Variants in LRP2 observed in about 807,000 individuals in gnomAD.
The protein encoded by LRP2 is low-density lipoprotein receptor-related protein 2.
In LRP2, 172 loss-of-function variants were observed where a neutral mutation model predicts 531.0. That is an observed-to-expected ratio of 0.32 (90% CI 0.29 to 0.37). LRP2 has a LOEUF of 0.37. Ranked by LOEUF, LRP2 falls within the 10% of genes least tolerant of loss-of-function variation. The probability of loss-of-function intolerance (pLI) is 1.00; values close to 1 mark genes in which losing one functional copy is unlikely to be tolerated. For synonymous variants in LRP2, 1,992 were observed against 2,027.6 expected (o/e 0.98, Z 0.47); for missense variants, 5,167 against 5,868.3 (o/e 0.88, Z 3.90).
At chr2:169,355,531 C>T (rs989955586) in intron 1 of LRP2, among the ~76,000 whole-genome samples, 11 of 152,162 alleles carry the variant, frequency 7.2e-5, no homozygotes, top group Non-Finnish European at 1.5e-4. Context: ...CATCATGACC[C>T]GGGATTCAGT....
At chr2:169,215,161 A>G (rs1688732869) in intron 35 of LRP2, among the ~76,000 whole-genome samples, 1 of 152,246 alleles carries the variant, frequency 6.6e-6, no homozygotes, top group South Asian at 2.1e-4. Flanking sequence ...TCCAAAGCTT[A>G]CCACCATTAT....
chr2:169,258,898 G>T, intron 17 of LRP2, 127 bp downstream of exon 17: 1 of 831,488 alleles, frequency 1.2e-6, no homozygotes, highest in Non-Finnish European at 1.9e-6. Flanking sequence ...TAAAATTTAA[G>T]GTGATTTCAA....
chr2:169,145,695 A>T, intron 70 of LRP2, 52 bp downstream of exon 70: 1 of 1,560,992 alleles, frequency 6.4e-7, no homozygotes, highest in Non-Finnish European at 8.8e-7. Context: ...CATTATTTTG[A>T]AATAAGATTT....
Position 169,204,244 on chromosome 2 carries a change from C to T in LRP2, c.7743G>A (p.Thr2581=), listed in dbSNP as rs140698184. ...SLQRIERSTL[T]GVDREVIVNA... is the part of the protein sequence containing the mutation. Reference sequence around the variant, plus strand: ...TGACAATGACTTCACGATCCACGCCCGTCAGAGTGCTGCGTTCAATCCTCT... The same window carrying T: ...TGACAATGACTTCACGATCCACGCCTGTCAGAGTGCTGCGTTCAATCCTCT... Residue 2581 remains threonine (T), a synonymous_variant, in exon 42 of 79, where the codon ACG becomes ACA. Transcript: ENST00000649046. 4 of 1,613,514 alleles carry T rather than the reference C, an allele frequency of 2.5e-6. No homozygotes were observed. Among genetic ancestry groups the T allele is most frequent in the South Asian group, 1.1e-5 (1 of 91,076 alleles).
rs138892407 is a variant in LRP2, at chr2:169,306,577, T to C, written c.427+704A>G. ...ACAGAAAGAGAGAGAAACTGTGGTATGCCTGAGATTAAAGACAATTATATG... is the reference window on the plus strand; with the variant it reads ...ACAGAAAGAGAGAGAAACTGTGGTACGCCTGAGATTAAAGACAATTATATG... On this transcript the variant is annotated intron_variant, in intron 4 of 78. Transcript: ENST00000649046. Among the ~76,000 whole-genome samples the C allele has an allele frequency of 5.4e-4, 82 of 152,262 alleles. 1 individual carries two copies. The highest frequency in any genetic ancestry group is 1.9e-3 in the African/African-American group (79 of 41,570).
At position 169,222,981 on chromosome 2, in the gene LRP2, T is replaced by C. The variant is rs539161309; in HGVS notation, c.5538+2329A>G. On this transcript the variant is annotated intron_variant, in intron 33 of 78. Transcript: ENST00000649046. ...ATATTCACCGGCCTTATCACACTTA[T>C]GACACTGGAGCACAGGTATTTGTTT... 2.0e-4 allele frequency among the ~76,000 whole-genome samples: 30 copies of C among 152,320 alleles called. No homozygotes were observed. In the South Asian group the frequency reaches 2.9e-3, roughly 15 times the overall value.
At chr2:169,161,546 A>G (rs558437203) in intron 63 of LRP2, among the ~76,000 whole-genome samples, 6 of 152,240 alleles carry the variant, frequency 3.9e-5, no homozygotes, top group Admixed American at 6.5e-5. Flanking sequence ...GCACAATCAC[A>G]GCTCACTGCA....
intron 57 of LRP2, among the ~76,000 whole-genome samples, chr2:169,172,469 G>C (rs1241116150): frequency 1.3e-5 from 2 of 152,162 alleles, no homozygotes; most frequent in Admixed American, 6.5e-5. Flanking sequence ...CAGTCAATTG[G>C]ACTCAGTGTT....
chr2:169,167,155 A>G (rs571203530), intron 61 of LRP2, among the ~76,000 whole-genome samples: 5 of 152,356 alleles, frequency 3.3e-5, no homozygotes, highest in African/African-American at 1.2e-4. Flanking sequence ...GAGATTTCCT[A>G]AGGACTTCTT....
chr2:169,131,636 T>C (rs1027731006), intron 77 of LRP2, among the ~76,000 whole-genome samples: 1 of 151,628 alleles, frequency 6.6e-6, no homozygotes, highest in Non-Finnish European at 1.5e-5. Context: ...GGAGGGGAGG[T>C]GATTTCTGGG....
At chr2:169,201,143 C>G (rs1688189680) in intron 44 of LRP2, among the ~76,000 whole-genome samples, 1 of 152,202 alleles carries the variant, frequency 6.6e-6, no homozygotes, top group Admixed American at 6.5e-5. Flanking sequence ...GACAAATCAC[C>G]TAATCTTTCT....
Position 169,188,231 on chromosome 2 carries a change from C to T in LRP2, c.9067G>A (p.Asp3023Asn), listed in dbSNP as rs1204920352. 1.2e-6 allele frequency: 2 copies of T among 1,614,142 alleles called. No individual in the cohort carries two copies. The highest frequency in any genetic ancestry group is 1.3e-5 in the African/African-American group (1 of 75,034). Residue 3023 changes from aspartate to asparagine, a missense_variant, in exon 49 of 79, where the codon GAC (aspartate) becomes AAC (asparagine). Physicochemically the swap from Asp to Asn is conservative, Grantham distance 23 (BLOSUM62 1). Around this residue, in one of 6 missense-constraint regions of LRP2, gnomAD observed 1,129 missense variants for 1,362.7 expected, o/e 0.83. Coordinates refer to ENST00000649046, the MANE Select transcript of LRP2 (RefSeq NM_004525.3). ...DRHNDCGDYS[D>N]ERGCLYQTCQ... ...GTCTGGTATAAGCAGCCCCTCTCGT[C>T]GCTATAGTCACCACAGTCATTGTGC...
chr2:169,219,046 G>GA (rs1688894736), intron 34 of LRP2, among the ~76,000 whole-genome samples: 1 of 152,182 alleles, frequency 6.6e-6, no homozygotes, highest in South Asian at 2.1e-4. Flanking sequence ...ACACAATGCA[G>GA]AAATGTCTGA....
Position 169,273,128 on chromosome 2 carries a change from G to T in LRP2, c.1976-61C>A, listed in dbSNP as rs1423383017. On this transcript the variant is annotated intron_variant, in intron 14 of 78. Coordinates refer to ENST00000649046, the MANE Select transcript of LRP2 (RefSeq NM_004525.3). ...AGAAATGTGTAATTATCCAAGACATGAAGCCACTTCTAGCCCTTTTCACCT... is the reference window on the plus strand; with the variant it reads ...AGAAATGTGTAATTATCCAAGACATTAAGCCACTTCTAGCCCTTTTCACCT... 4 of 1,587,686 alleles carry T rather than the reference G, an allele frequency of 2.5e-6. No homozygotes were observed. In the Admixed American group the frequency reaches 5.0e-5, roughly 20 times the overall value.
intron 63 of LRP2, 36 bp from the exon 64 acceptor site, chr2:169,157,538 A>C (rs544324182): frequency 1.2e-6 from 2 of 1,609,420 alleles, no homozygotes; most frequent in South Asian, 1.1e-5. Context: ...AAACCAGATC[A>C]GCCACAAATA....
Position 169,256,236 on chromosome 2 carries a change from A to G in LRP2, c.2640T>C (p.Ala880=). The G allele has an allele frequency of 6.2e-7, 1 of 1,611,222 alleles. No individual in the cohort carries two copies. The highest frequency in any genetic ancestry group is 8.5e-7 in the Non-Finnish European group (1 of 1,178,008). The change falls in exon 19 of 79, where the codon GCT becomes GCC. Residue 880 remains alanine (A), a splice_region_variant and synonymous_variant. Transcript: ENST00000649046. ...GWPNGLAIDW[A]ASRLYWVDAY... is the part of the protein sequence containing the mutation. ...CATCTACCCAGTACAATCGTGAAGCACTAAAATAATAAAATATTTAGTTAT... is the reference window on the plus strand; with the variant it reads ...CATCTACCCAGTACAATCGTGAAGCGCTAAAATAATAAAATATTTAGTTAT...
rs878853100 is a variant in LRP2, at chr2:169,362,383, G to T, written c.17C>A (p.Ala6Glu). Residue 6 changes from alanine (A) to glutamate (E), a missense_variant, in exon 1 of 79, where the codon GCA becomes GAA. This residue lies in a region of LRP2 where 2,811 missense variants were observed against 3,058.0 expected (regional missense o/e 0.92). Transcript: ENST00000649046. The part of the protein sequence containing the change: MDRGP[A>E]AVACTLLLAL... ...CAGGAGCAGCGTGCACGCCACTGCT[G>T]CCGGCCCGCGATCCATCTCCGCGAC... The T allele has an allele frequency of 1.3e-6, 2 of 1,565,756 alleles. No homozygotes were observed. The highest frequency in any genetic ancestry group is 1.4e-5 in the African/African-American group (1 of 73,698).
At chr2:169,129,129 T>C in intron 77 of LRP2, 45 bp from the exon 78 acceptor site, 2 of 1,338,322 alleles carry the variant, frequency 1.5e-6, no homozygotes, top group Non-Finnish European at 2.2e-6. Flanking sequence ...AATGGAATTA[T>C]TTTGTGGGTT....
Position 169,244,930 on chromosome 2 carries a change from T to C in LRP2, c.3193A>G (p.Asn1065Asp). ...GTGAACGCCGAAGATGAACAGGTAT[T>C]ATCTACAATAGTAACAAACTGGTCA... ...SDEQLCGTLN[N>D]TCSSSAFTCG... is the part of the protein sequence containing the mutation. Residue 1065 changes from asparagine to aspartate, a missense_variant and splice_region_variant, in exon 22 of 79, where the codon AAT becomes GAT. Asn to Asp is a conservative substitution (Grantham distance 23). This residue lies in a region of LRP2 where 2,811 missense variants were observed against 3,058.0 expected (regional missense o/e 0.92). Transcript: ENST00000649046. 1.2e-6 allele frequency: 2 copies of C among 1,614,212 alleles called. No individual in the cohort carries two copies. The highest frequency in any genetic ancestry group is 2.7e-5 in the African/African-American group (2 of 75,066).
Sources: gnomAD v4.1 joint callset for allele counts (sites outside exome capture counted in the v4.1 genomes callset) on GRCh38, gnomAD v4.1.1 for gene constraint, gnomAD v4.1.1 regional missense constraint, MANE v1.5 for transcripts, NCBI Gene and HGNC (gene_info 2026-07-23, HGNC 2026-07-21) for gene names.